Variants in STRBP observed in about 807,000 individuals in gnomAD.
STRBP encodes spermatid perinuclear RNA-binding protein.
Under a neutral mutation model 80.1 loss-of-function variants are expected in STRBP, and 13 were observed. That is an observed-to-expected ratio of 0.16 (90% CI 0.11 to 0.26). STRBP has a LOEUF of 0.26. Among genes scored for constraint, STRBP ranks in the 10% least tolerant of loss-of-function variants. The pLI, the probability that STRBP is intolerant of heterozygous loss-of-function variation, is 1.00. For missense variants in STRBP, 485 were observed against 815.2 expected, an observed-to-expected ratio of 0.59 and a Z score of 4.93; for synonymous variants, 284 against 291.2, an observed-to-expected ratio of 0.98 and a Z score of 0.25.
In STRBP at chr9:123,143,286, G is replaced by T. The variant is rs527806677; in HGVS notation, c.1338+3569C>A. Among the ~76,000 whole-genome samples the T allele has an allele frequency of 2.0e-5, 3 of 152,304 alleles. No individual in the cohort carries two copies. The South Asian group carries it at 6.2e-4, about 32-fold the overall frequency. The stretch of plus-strand genomic sequence containing the variant: ...GATTATGACCCTAAAGGTATCCTTT[G>T]TGGGGGGCTGCCAGGATAGAGAAGT... On this transcript the variant is annotated intron_variant, in intron 13 of 18. Coordinates refer to ENST00000348403, the MANE Select transcript of STRBP (RefSeq NM_018387.5).
Position 123,123,001 on chromosome 9 carries a change from C to T in STRBP, c.*2596G>A. On this transcript the variant is annotated 3_prime_UTR_variant, in exon 19 of 19. Transcript: ENST00000348403. The stretch of plus-strand genomic sequence containing the variant: ...TCTTCTTTAAAATGATCAGTCATTG[C>T]TTTCAAAAAGAGGGTGTCAGAGTGG... 1 of 985,414 alleles carries T rather than the reference C, an allele frequency of 1.0e-6. No homozygotes were observed. Among genetic ancestry groups the T allele is most frequent in the Non-Finnish European group, 1.2e-6 (1 of 829,928 alleles). The allele number at this position is 985,414 out of a possible 1,614,324, so 61.0% of individuals were successfully genotyped here. A position where few individuals can be genotyped will look rare whatever the true frequency, so the allele number is the denominator to read the frequency against.
chr9:123,183,988 A>C, intron 3 of STRBP, 144 bp downstream of exon 3: 1 of 639,268 alleles, frequency 1.6e-6, no homozygotes, highest in Non-Finnish European at 2.7e-6. Context: ...TTCGCTTTGA[A>C]TAGTAGAGTG....
chr9:123,239,098 G>A (rs1283592445), intron 1 of STRBP, among the ~76,000 whole-genome samples: 2 of 152,182 alleles, frequency 1.3e-5, no homozygotes, highest in Non-Finnish European at 2.9e-5. Flanking sequence ...TGCCTAGGCT[G>A]GGCGCGGTAG....
downstream of STRBP, among the ~76,000 whole-genome samples, chr9:123,117,312 G>A (rs927711558): frequency 2.0e-5 from 3 of 152,112 alleles, no homozygotes; most frequent in African/African-American, 7.2e-5. Flanking sequence ...TGGGGTGGAT[G>A]AGGAATACTT....
intron 1 of STRBP, among the ~76,000 whole-genome samples, chr9:123,244,433 G>T (rs985209526): frequency 9.2e-5 from 14 of 152,166 alleles, no homozygotes; most frequent in South Asian, 2.1e-4. Flanking sequence ...AAGTCACAGA[G>T]TCCTAATATA....
chr9:123,180,575 A>G (rs2038415579), intron 3 of STRBP, among the ~76,000 whole-genome samples: 1 of 152,220 alleles, frequency 6.6e-6, no homozygotes, highest in Non-Finnish European at 1.5e-5. Flanking sequence ...AAATAAGGGT[A>G]TCAAGAAATA....
intron 2 of STRBP, among the ~76,000 whole-genome samples, chr9:123,228,497 A>G (rs1009163661): frequency 6.6e-6 from 1 of 152,224 alleles, no homozygotes; most frequent in Non-Finnish European, 1.5e-5. Flanking sequence ...CACAACATGC[A>G]GTATCCTGGA....
At chr9:123,118,011 G>T (rs750944269), downstream of STRBP, among the ~76,000 whole-genome samples, 2 of 152,074 alleles carry the variant, frequency 1.3e-5, no homozygotes, top group African/African-American at 2.4e-5. Flanking sequence ...ATCTGATCTG[G>T]AGTCACCTCA....
intron 11 of STRBP, among the ~76,000 whole-genome samples, chr9:123,152,110 A>G (rs1162263324): frequency 6.6e-6 from 1 of 152,196 alleles, no homozygotes; most frequent in Non-Finnish European, 1.5e-5. Context: ...TGTCCTAAGA[A>G]GATGGAAGTC....
At chr9:123,114,956 C>T (rs1189707846) in intron 3 of STRBP, 6 of 346,756 alleles carry the variant, frequency 1.7e-5, no homozygotes, top group African/African-American at 8.6e-5. Context: ...CCTCACGCCT[C>T]GCCTGGCCAA....
chr9:123,157,393 T>C (rs1423220792), intron 11 of STRBP, among the ~76,000 whole-genome samples: 4 of 152,232 alleles, frequency 2.6e-5, no homozygotes. Flanking sequence ...TAATGGCATC[T>C]GGCCAACATA....
At chr9:123,134,651 C>G (rs2036281819) in intron 16 of STRBP, among the ~76,000 whole-genome samples, 1 of 152,146 alleles carries the variant, frequency 6.6e-6, no homozygotes, top group Non-Finnish European at 1.5e-5. Context: ...AAGTAGTCAG[C>G]AAGCAACAAT....
chr9:123,172,115 G>A lies in STRBP; in HGVS notation c.390+1562C>T, dbSNP rs112040534. Among the ~76,000 whole-genome samples, 536 of 152,268 alleles carry A rather than the reference G, an allele frequency of 3.5e-3. 2 individuals carry two copies. The highest frequency in any genetic ancestry group is 0.012 in the African/African-American group (485 of 41,554). Reference sequence around the variant, plus strand: ...TTCTGAATAAAAACTCCGATTTACTGTTGCACTGGTTCTCAACCCTTTTTC... The same window carrying A: ...TTCTGAATAAAAACTCCGATTTACTATTGCACTGGTTCTCAACCCTTTTTC... On this transcript the variant is annotated intron_variant, in intron 5 of 18. Coordinates refer to ENST00000348403, the MANE Select transcript of STRBP (RefSeq NM_018387.5).
intron 2 of STRBP, among the ~76,000 whole-genome samples, chr9:123,223,915 G>A (rs2132561084): frequency 6.6e-6 from 1 of 152,232 alleles, no homozygotes; most frequent in East Asian, 1.9e-4. Context: ...TCTGACACAG[G>A]CAGAACCAAA....
intron 2 of STRBP, among the ~76,000 whole-genome samples, chr9:123,210,277 T>C (rs1396856692): frequency 1.3e-5 from 2 of 152,058 alleles, no homozygotes; most frequent in African/African-American, 4.8e-5. Flanking sequence ...AATCTGAGTA[T>C]TAAAATCAAG....
intron 2 of STRBP, among the ~76,000 whole-genome samples, chr9:123,194,476 A>G (rs2039028535): frequency 6.6e-6 from 1 of 152,188 alleles, no homozygotes; most frequent in African/African-American, 2.4e-5. Context: ...ATGTTGTAAT[A>G]GCACCCATCA....
At chr9:123,211,901 C>T (rs924649325) in intron 2 of STRBP, among the ~76,000 whole-genome samples, 1 of 152,018 alleles carries the variant, frequency 6.6e-6, no homozygotes, top group Non-Finnish European at 1.5e-5. Flanking sequence ...AGAAAGAGAA[C>T]AAAAACTTCC....
intron 2 of STRBP, among the ~76,000 whole-genome samples, chr9:123,206,567 T>G (rs901962994): frequency 6.6e-6 from 1 of 152,212 alleles, no homozygotes; most frequent in Non-Finnish European, 1.5e-5. Context: ...GGGTTCTTTA[T>G]GGTTCACTGG....
At chr9:123,130,263 T>TG (rs1466340300) in intron 17 of STRBP, among the ~76,000 whole-genome samples, 1 of 152,208 alleles carries the variant, frequency 6.6e-6, no homozygotes, top group Non-Finnish European at 1.5e-5. Context: ...CAACAGTCCC[T>TG]GCTGCACAGA....
Sources: gnomAD v4.1 joint callset for allele counts (sites outside exome capture counted in the v4.1 genomes callset) on GRCh38, gnomAD v4.1.1 for gene constraint, MANE v1.5 for transcripts, NCBI Gene and HGNC (gene_info 2026-07-23, HGNC 2026-07-21) for gene names.